MAML3: variants seen among roughly 807,000 people sequenced by gnomAD.
MAML3 encodes the protein mastermind like transcriptional coactivator 3, also known as mastermind-like protein 3.
A neutral mutation model predicts 101.9 loss-of-function variants in MAML3; 27 were observed. That is an observed-to-expected ratio of 0.27 (90% CI 0.20 to 0.37). MAML3 has a LOEUF of 0.37. MAML3 is among the 10% of genes least tolerant of loss of function. The pLI, the probability that MAML3 is intolerant of heterozygous loss-of-function variation, is 1.00. For missense variants in MAML3, 1,316 were observed against 1,444.9 expected, an observed-to-expected ratio of 0.91 and a Z score of 1.45; for synonymous variants, 501 against 555.9, an observed-to-expected ratio of 0.90 and a Z score of 1.39.
intron 2 of MAML3, among the ~76,000 whole-genome samples, chr4:139,761,247 G>A (rs551246453): frequency 9.9e-5 from 15 of 152,188 alleles, no homozygotes; most frequent in African/African-American, 3.6e-4. Context: ...GGCATGAGCC[G>A]CTACACCCGG....
At chr4:139,838,459 A>C (rs1415424300) in intron 2 of MAML3, among the ~76,000 whole-genome samples, 4 of 152,130 alleles carry the variant, frequency 2.6e-5, no homozygotes, top group African/African-American at 9.7e-5. Flanking sequence ...TGCTCAATTC[A>C]TCTTTTTCTT....
chr4:139,966,413 T>C (rs982521817), intron 1 of MAML3, among the ~76,000 whole-genome samples: 1 of 152,070 alleles, frequency 6.6e-6, no homozygotes, highest in African/African-American at 2.4e-5. Context: ...CATGCAAGGA[T>C]TTTTCATGTT....
rs576548636 is a variant in MAML3, at chr4:139,838,685, C to T, written c.2079+50672G>A. 6.8e-4 allele frequency among the ~76,000 whole-genome samples: 104 copies of T among 152,184 alleles called. 1 individual carries two copies. Among genetic ancestry groups the T allele is most frequent in the Non-Finnish European group, 1.1e-3 (76 of 67,988 alleles). On this transcript the variant is annotated intron_variant, in intron 2 of 4. Coordinates refer to ENST00000509479, the MANE Select transcript of MAML3 (RefSeq NM_018717.5). ...AAATTGGTTGCACTGTCCAAGTTTT[C>T]CATAGGAAAAATGGTGTTCTGCTAT...
chr4:140,086,981 G>A (rs543265459), intron 1 of MAML3, among the ~76,000 whole-genome samples: 3 of 152,210 alleles, frequency 2.0e-5, no homozygotes, highest in Non-Finnish European at 2.9e-5. Context: ...CCAACATGGC[G>A]AAACCCCGTC....
intron 1 of MAML3, among the ~76,000 whole-genome samples, chr4:139,937,349 G>A (rs1295811277): frequency 6.6e-6 from 1 of 150,636 alleles, no homozygotes; most frequent in Non-Finnish European, 1.5e-5. Context: ...TGAATTAAGA[G>A]TTAGTGGCAA....
intron 1 of MAML3, among the ~76,000 whole-genome samples, chr4:140,124,531 G>C (rs759359530): frequency 6.6e-6 from 1 of 152,088 alleles, no homozygotes; most frequent in Non-Finnish European, 1.5e-5. Flanking sequence ...TCTCTTAAGC[G>C]TCTGGAGACC....
chr4:139,762,176 G>A (rs1729771779), intron 2 of MAML3, among the ~76,000 whole-genome samples: 1 of 152,176 alleles, frequency 6.6e-6, no homozygotes, highest in Non-Finnish European at 1.5e-5. Context: ...TACCATGCAT[G>A]TCCTCTGTTC....
chr4:139,969,261 C>G (rs1734193480), intron 1 of MAML3, among the ~76,000 whole-genome samples: 1 of 151,582 alleles, frequency 6.6e-6, no homozygotes, highest in Non-Finnish European at 1.5e-5. Context: ...ACACTCCCAC[C>G]ATCCCCGCCG....
In MAML3 at chr4:139,926,790, T is replaced by C. The variant is rs745647336; in HGVS notation, c.469-35823A>G. Among the ~76,000 whole-genome samples the C allele has an allele frequency of 3.9e-5, 6 of 152,238 alleles. 1 individual carries two copies. Among genetic ancestry groups the C allele is most frequent in the South Asian group, 4.1e-4 (2 of 4,838 alleles). On this transcript the variant is annotated intron_variant, in intron 1 of 4. Coordinates refer to ENST00000509479, the MANE Select transcript of MAML3 (RefSeq NM_018717.5). The stretch of plus-strand genomic sequence containing the variant: ...ACCATATGCTTACATAACCATAGCA[T>C]AATTATCCTCATACAATACTATTAA...
intron 1 of MAML3, among the ~76,000 whole-genome samples, chr4:139,907,449 G>A (rs1732840467): frequency 1.3e-5 from 2 of 152,176 alleles, no homozygotes; most frequent in Non-Finnish European, 2.9e-5. Flanking sequence ...TTTTACATCA[G>A]AGAACAAGAA....
chr4:139,973,993 C>CT (rs2110796711), intron 1 of MAML3, among the ~76,000 whole-genome samples: 1 of 152,240 alleles, frequency 6.6e-6, no homozygotes, highest in African/African-American at 2.4e-5. Flanking sequence ...TTTTACATAG[C>CT]TTTTTGCATT....
chr4:140,103,662 G>A (rs1361900909), intron 1 of MAML3, among the ~76,000 whole-genome samples: 15 of 152,134 alleles, frequency 9.9e-5, no homozygotes, highest in Non-Finnish European at 7.4e-5. Context: ...TAAAAGACAG[G>A]AAAAATCAAA....
intron 1 of MAML3, among the ~76,000 whole-genome samples, chr4:139,957,502 T>C (rs1316948713): frequency 6.6e-6 from 1 of 152,186 alleles, no homozygotes; most frequent in Admixed American, 6.5e-5. Context: ...CTCTGGTTCC[T>C]GAGAAAAACA....
chr4:140,016,933 T>A (rs1726651312), intron 1 of MAML3, among the ~76,000 whole-genome samples: 1 of 152,176 alleles, frequency 6.6e-6, no homozygotes, highest in African/African-American at 2.4e-5. Context: ...ACCAAAAGCA[T>A]AACGAGTCAA....
chr4:139,904,024 G>A (rs185243147), intron 1 of MAML3, among the ~76,000 whole-genome samples: 5 of 152,122 alleles, frequency 3.3e-5, no homozygotes, highest in Non-Finnish European at 7.4e-5. Context: ...CCATTCATGG[G>A]GGTGATGTCA....
chr4:140,146,216 C>A lies in MAML3; in HGVS notation c.468+6644G>T, dbSNP rs1046782451. Among the ~76,000 whole-genome samples the A allele has an allele frequency of 2.6e-5, 4 of 152,208 alleles. No individual in the cohort carries two copies. In the South Asian group the frequency reaches 8.3e-4, roughly 32 times the overall value. On this transcript the variant is annotated intron_variant, in intron 1 of 4. Coordinates refer to ENST00000509479, the MANE Select transcript of MAML3 (RefSeq NM_018717.5). ...ATTAAATTTCTCCAAGAATAGTATACACAGCTTGCCATAGTAGTAACTTCC... is the reference window on the plus strand; with the variant it reads ...ATTAAATTTCTCCAAGAATAGTATAAACAGCTTGCCATAGTAGTAACTTCC...
At chr4:139,911,791 C>T (rs1732930388) in intron 1 of MAML3, among the ~76,000 whole-genome samples, 1 of 152,204 alleles carries the variant, frequency 6.6e-6, no homozygotes, top group Non-Finnish European at 1.5e-5. Context: ...ATCCAGGAAG[C>T]AGGCCCTCTC....
intron 2 of MAML3, among the ~76,000 whole-genome samples, chr4:139,879,525 G>A (rs1296312908): frequency 2.4e-4 from 28 of 115,650 alleles, no homozygotes; most frequent in Non-Finnish European, 2.6e-4. Flanking sequence ...GGCTCTGACT[G>A]AAAAAAAAAA....
At chr4:140,041,583 T>C (rs1475343028) in intron 1 of MAML3, among the ~76,000 whole-genome samples, 1 of 151,944 alleles carries the variant, frequency 6.6e-6, no homozygotes, top group Non-Finnish European at 1.5e-5. Context: ...ATCACGCCAC[T>C]GCACTCCAGC....
Sources: allele counts gnomAD v4.1 joint callset (sites outside exome capture counted in the v4.1 genomes callset), GRCh38; gene constraint gnomAD v4.1.1; transcripts MANE v1.5; gene names NCBI Gene and HGNC (gene_info 2026-07-23, HGNC 2026-07-21).